Variants in MEOX1 observed in about 807,000 individuals in gnomAD.
MEOX1 encodes homeobox protein MOX-1.
Under a neutral mutation model 23.2 loss-of-function variants are expected in MEOX1, and 17 were observed. The ratio of observed to expected loss-of-function variants is 0.73; its 90% confidence interval spans 0.50 to 1.10. The LOEUF (loss-of-function observed/expected upper bound fraction) is 1.10. Among genes scored for constraint, MEOX1 ranks in the 50% least tolerant of loss-of-function variants. MEOX1 has a pLI of 0.00. For synonymous variants in MEOX1, 134 were observed against 135.1 expected, an observed-to-expected ratio of 0.99 and a Z score of 0.06; for missense variants, 333 against 332.2, an observed-to-expected ratio of 1.00 and a Z score of -0.02.
At chr17:43,651,952 G>T (rs1038443678) in intron 1 of MEOX1, among the ~76,000 whole-genome samples, 1 of 151,582 alleles carries the variant, frequency 6.6e-6, no homozygotes, top group East Asian at 1.9e-4. Flanking sequence ...CAGAGTTTCC[G>T]ACTATACCTG....
chr17:43,651,269 A>C (rs1318273685), intron 1 of MEOX1, among the ~76,000 whole-genome samples: 1 of 152,172 alleles, frequency 6.6e-6, no homozygotes, highest in Non-Finnish European at 1.5e-5. Context: ...CAGGAAGCCT[A>C]GATCGTGCCA....
intron 1 of MEOX1, among the ~76,000 whole-genome samples, chr17:43,655,090 G>C (rs1416332100): frequency 1.3e-5 from 2 of 151,960 alleles, no homozygotes; most frequent in South Asian, 4.2e-4. Flanking sequence ...TCTCCAGGAG[G>C]TATTTGCACA....
chr17:43,655,360 A>C (rs936998737), intron 1 of MEOX1, among the ~76,000 whole-genome samples: 2 of 151,816 alleles, frequency 1.3e-5, no homozygotes, highest in Middle Eastern at 3.4e-3. Flanking sequence ...AGTCCCAGCT[A>C]CTTGGGAGGC....
At chr17:43,656,893 T>C (rs1973029539) in intron 1 of MEOX1, among the ~76,000 whole-genome samples, 1 of 152,152 alleles carries the variant, frequency 6.6e-6, no homozygotes, top group African/African-American at 2.4e-5. Context: ...TGGGAGTGGT[T>C]TGGGTAAGAT....
At chr17:43,656,677 C>G (rs1334634395) in intron 1 of MEOX1, among the ~76,000 whole-genome samples, 1 of 152,148 alleles carries the variant, frequency 6.6e-6, no homozygotes, top group Non-Finnish European at 1.5e-5. Flanking sequence ...AGCACCATGG[C>G]TTTCCCAGGC....
chr17:43,654,983 C>T (rs914823497), intron 1 of MEOX1, among the ~76,000 whole-genome samples: 22 of 151,686 alleles, frequency 1.5e-4, no homozygotes, highest in African/African-American at 4.6e-4. Context: ...ACCCGGGAGG[C>T]GGAGCTTGCA....
At chr17:43,655,496 T>C (rs1375607079) in intron 1 of MEOX1, among the ~76,000 whole-genome samples, 3 of 149,872 alleles carry the variant, frequency 2.0e-5, no homozygotes, top group Non-Finnish European at 4.4e-5. Flanking sequence ...AGAAAGAAAT[T>C]TGGTATATCC....
rs1972743605 is a variant in MEOX1 at position 43,643,590 on chromosome 17, C to A, written c.540G>T (p.Lys180Asn). 1 of 1,613,320 alleles carries A rather than the reference C, an allele frequency of 6.2e-7. No homozygotes were observed. The change falls in exon 2 of 3, where the codon AAG becomes AAT. Residue 180 changes from lysine to asparagine, a missense_variant. Physicochemically the swap from Lys to Asn is moderately conservative, Grantham distance 94. Transcript: ENST00000318579. Reference sequence around the variant, plus strand: ...CTGCCTCCAGCTCTCGCAGCTGCTCCTTGGTGAAGGCCGTCCTCTCCTTGC... The same window carrying A: ...CTGCCTCCAGCTCTCGCAGCTGCTCATTGGTGAAGGCCGTCCTCTCCTTGC... ...KARKERTAFTKEQLRELEAEF... is the reference protein window; with the variant it reads ...KARKERTAFTNEQLRELEAEF...
At position 43,661,426 on chromosome 17, in the gene MEOX1, G is replaced by C. The variant is rs772711529; in HGVS notation, c.109C>G (p.His37Asp). The C allele has an allele frequency of 1.2e-5, 20 of 1,612,488 alleles. No individual in the cohort carries two copies. Among genetic ancestry groups the C allele is most frequent in the Non-Finnish European group, 1.6e-5 (19 of 1,179,244 alleles). The change falls in exon 1 of 3, where the codon CAC (histidine) becomes GAC (aspartate). Residue 37 changes from histidine to aspartate, a missense_variant. His to Asp is a moderately conservative substitution (Grantham distance 81). Transcript: ENST00000318579. ...AAGGAGAACGGGGTGGGCGGGTAGT[G>C]GGGTAGCCCTGAGGCCCCATTGCCT... Reference protein sequence around the residue: ...SEGNGASGLPHYPPTPFSFHQ... With the variant: ...SEGNGASGLPDYPPTPFSFHQ...
At chr17:43,645,302 G>T (rs1307741812) in intron 1 of MEOX1, among the ~76,000 whole-genome samples, 1 of 147,522 alleles carries the variant, frequency 6.8e-6, no homozygotes, top group African/African-American at 2.5e-5. Context: ...TCCGCCTCCC[G>T]AGTAGCTGGG....
chr17:43,649,060 C>T (rs570613263), intron 1 of MEOX1, among the ~76,000 whole-genome samples: 15 of 152,262 alleles, frequency 9.9e-5, no homozygotes, highest in Non-Finnish European at 1.9e-4. Flanking sequence ...TAGCTACACC[C>T]GCTGTGCTTA....
At chr17:43,657,162 CTTTCTTTCTT>C (rs1426236990) in intron 1 of MEOX1, among the ~76,000 whole-genome samples, 7 of 64,356 alleles carry the variant, frequency 1.1e-4, no homozygotes, top group African/African-American at 2.0e-4. Flanking sequence ...CTCTTTCTTT[CTTTCTTTCTT>C]TTTTTTTTTT....
At chr17:43,642,511 G>A (rs936231607) in intron 2 of MEOX1, among the ~76,000 whole-genome samples, 1 of 152,216 alleles carries the variant, frequency 6.6e-6, no homozygotes, top group East Asian at 1.9e-4. Context: ...AGGTCCCAGG[G>A]CTAGGAAAAG....
chr17:43,648,050 C>G (rs1488740826), intron 1 of MEOX1, among the ~76,000 whole-genome samples: 2 of 152,206 alleles, frequency 1.3e-5, no homozygotes, highest in African/African-American at 4.8e-5. Context: ...TGTTCTGCAA[C>G]AGTATTACAA....
chr17:43,646,269 G>T (rs888826238), intron 1 of MEOX1, among the ~76,000 whole-genome samples: 3 of 152,140 alleles, frequency 2.0e-5, no homozygotes, highest in Non-Finnish European at 4.4e-5. Flanking sequence ...GGGTCCCCGA[G>T]GAGCCCTCCG....
At chr17:43,657,234 G>C (rs960264779) in intron 1 of MEOX1, among the ~76,000 whole-genome samples, 92 of 134,664 alleles carry the variant, frequency 6.8e-4, no homozygotes, top group Admixed American at 9.9e-4. Context: ...GTGCAGTGGC[G>C]TGATCTCTGC....
In MEOX1 at chr17:43,661,197, G is replaced by A; in HGVS notation, c.338C>T (p.Ser113Phe). 6.2e-7 allele frequency: 1 copy of A among 1,607,568 alleles called. No individual in the cohort carries two copies. Among genetic ancestry groups the A allele is most frequent in the Non-Finnish European group, 8.5e-7 (1 of 1,176,616 alleles). The change falls in exon 1 of 3, where the codon TCC (serine) becomes TTC (phenylalanine). Residue 113 changes from serine to phenylalanine, a missense_variant. Ser to Phe is a radical substitution (Grantham distance 155). Coordinates refer to ENST00000318579, the MANE Select transcript of MEOX1 (RefSeq NM_004527.4). ...RRPNSGPAGG[S>F]KEMGTSSLGL... ...CAGGCTGCTGGTCCCCATTTCCTTG[G>A]AACCCCCTGCCGGGCCTGAGTTGGG...
At chr17:43,657,929 T>C (rs1973069067) in intron 1 of MEOX1, among the ~76,000 whole-genome samples, 1 of 152,246 alleles carries the variant, frequency 6.6e-6, no homozygotes, top group Non-Finnish European at 1.5e-5. Context: ...ACAGAGTTAA[T>C]CTCATGGATC....
At chr17:43,654,279 C>T (rs967299253) in intron 1 of MEOX1, among the ~76,000 whole-genome samples, 10 of 152,218 alleles carry the variant, frequency 6.6e-5, no homozygotes, top group Non-Finnish European at 1.2e-4. Flanking sequence ...GAGGCCAAGG[C>T]GGGCGGATCA....
Sources: gnomAD v4.1 joint callset for allele counts (sites outside exome capture counted in the v4.1 genomes callset) on GRCh38, gnomAD v4.1.1 for gene constraint, MANE v1.5 for transcripts, NCBI Gene and HGNC (gene_info 2026-07-23, HGNC 2026-07-21) for gene names.